The following ARRDC5 variants were observed in gnomAD, a reference collection of about 807,000 sequenced individuals.
ARRDC5 encodes arrestin domain-containing protein 5.
ARRDC5 carries 12 observed loss-of-function variants against 13.3 expected under a neutral mutation model. The ratio of observed to expected loss-of-function variants is 0.90; its 90% CI spans 0.58 to 1.46. The LOEUF (loss-of-function observed/expected upper bound fraction) is 1.46, where lower values mean the gene tolerates loss of function less well. ARRDC5 is among the 40% of genes most tolerant of loss of function. ARRDC5 has a pLI of 0.00. For missense variants in ARRDC5, 406 were observed against 418.7 expected (o/e 0.97, Z 0.26); for synonymous variants, 181 against 173.4 (o/e 1.04, Z -0.34).
chr19:4,898,665 C>CTTTTT (rs71170878), intron 1 of ARRDC5, among the ~76,000 whole-genome samples: 2 of 130,596 alleles, frequency 1.5e-5, no homozygotes, highest in Middle Eastern at 4.6e-3. Context: ...CGGGCTTGGC[C>CTTTTT]TTTTTTTTTT....
the ARRDC5 span, among the ~76,000 whole-genome samples, chr19:4,914,217 A>C: frequency 6.6e-6 from 1 of 152,082 alleles, no homozygotes; most frequent in South Asian, 2.1e-4. Context: ...ATGGCTGGGA[A>C]AGTGAGCTGG....
At chr19:4,900,193 G>T (rs74367599) in intron 1 of ARRDC5, among the ~76,000 whole-genome samples, 30,546 of 140,362 alleles carry the variant, frequency 0.22, 3,525 homozygotes, top group East Asian at 0.33. Context: ...TGTTGCCCAG[G>T]CTGGAGTGCA....
At chr19:4,916,319 A>AT in the ARRDC5 span, among the ~76,000 whole-genome samples, 3 of 151,562 alleles carry the variant, frequency 2.0e-5, no homozygotes, top group African/African-American at 7.3e-5. Context: ...AAAAAAAAAA[A>AT]CCAAATAAAT....
At chr19:4,902,526 C>T (rs1416026499) in intron 1 of ARRDC5, 47 bp downstream of exon 1, 5 of 1,585,056 alleles carry the variant, frequency 3.2e-6, no homozygotes, top group Non-Finnish European at 4.3e-6. Flanking sequence ...ATTTTCCAGA[C>T]CCAGGTTCCT....
the ARRDC5 span, chr19:4,909,799 A>C: frequency 6.8e-6 from 3 of 443,258 alleles, no homozygotes; most frequent in Non-Finnish European, 1.2e-5. Flanking sequence ...CCTTCCACCT[A>C]ACCCTCGGGA....
At chr19:4,913,360 C>T in the ARRDC5 span, among the ~76,000 whole-genome samples, 1 of 149,342 alleles carries the variant, frequency 6.7e-6, no homozygotes, top group Admixed American at 6.8e-5. Context: ...TTCAAGCGAT[C>T]CTCCTGCCTT....
At chr19:4,910,642 T>C in the ARRDC5 span, 2 of 402,132 alleles carry the variant, frequency 5.0e-6, no homozygotes, top group Non-Finnish European at 8.8e-6. Context: ...TTCCCTCTTT[T>C]CATTCTCCTT....
intron 1 of ARRDC5, among the ~76,000 whole-genome samples, chr19:4,899,375 A>G (rs914711138): frequency 6.6e-6 from 1 of 152,064 alleles, no homozygotes; most frequent in African/African-American, 2.4e-5. Context: ...CATGCCTGTA[A>G]TCCCAGCACT....
intron 2 of ARRDC5, among the ~76,000 whole-genome samples, chr19:4,894,510 C>CA (rs575777769): frequency 0.15 from 3,933 of 27,034 alleles, 348 homozygotes; most frequent in East Asian, 0.26. Context: ...GACTCCGTCT[C>CA]AAAAAAAAAA....
intron 2 of ARRDC5, among the ~76,000 whole-genome samples, chr19:4,895,615 G>A (rs780524568): frequency 5.9e-5 from 9 of 152,020 alleles, no homozygotes; most frequent in Non-Finnish European, 1.3e-4. Context: ...GATCCAGAAC[G>A]AGTCCTTCAC....
In ARRDC5 at chr19:4,896,688, T is replaced by G. The variant is rs1019552500; in HGVS notation, c.442A>C (p.Lys148Gln). ...ATCGGTACCTGGAATGGGGTTTCTT[T>G]GTGGAAGGTGGAAGTTCCTTGAACC... ...LLVQGTSTFH[K>Q]ETPFQNPLFV... The change falls in exon 2 of 3, where the codon AAA (lysine) becomes CAA (glutamine). Residue 148 changes from lysine (K) to glutamine (Q), a missense_variant. By Grantham distance (53) the Lys-to-Gln change is moderately conservative. Transcript: ENST00000650722. The G allele has an allele frequency of 5.6e-6, 9 of 1,612,878 alleles. No homozygotes were observed. Among genetic ancestry groups the G allele is most frequent in the Non-Finnish European group, 7.6e-6 (9 of 1,179,126 alleles).
intron 1 of ARRDC5, among the ~76,000 whole-genome samples, chr19:4,899,125 C>T (rs964712480): frequency 3.3e-5 from 5 of 149,962 alleles, no homozygotes; most frequent in Admixed American, 6.7e-5. Flanking sequence ...CTGGCAAACA[C>T]GGTGAAACCC....
At position 4,902,737 on chromosome 19, in the gene ARRDC5, G is replaced by A. The variant is rs376093484; in HGVS notation, c.89C>T (p.Thr30Ile). The change falls in exon 1 of 3, where the codon ACC (threonine) becomes ATC (isoleucine). Residue 30 changes from threonine to isoleucine, a missense_variant. Transcript: ENST00000650722. ...GSSIKGQVIL[T>I]LNSTLVDPIV... is the part of the protein sequence containing the mutation. ...GGGGTCCACCAGGGTGCTGTTCAGG[G>A]TTAAGATCACCTGCCCTTTTATGCT... 21 of 1,613,868 alleles carry A rather than the reference G, an allele frequency of 1.3e-5. No homozygotes were observed. Among genetic ancestry groups the A allele is most frequent in the East Asian group, 8.9e-5 (4 of 44,896 alleles).
chr19:4,893,193 A>G (rs1014239544), intron 2 of ARRDC5, among the ~76,000 whole-genome samples: 1 of 141,070 alleles, frequency 7.1e-6, no homozygotes, highest in South Asian at 2.1e-4. Flanking sequence ...TTATAATAAT[A>G]TAACATATTA....
chr19:4,905,407 C>A (rs1171414116), upstream of ARRDC5, among the ~76,000 whole-genome samples: 1 of 151,746 alleles, frequency 6.6e-6, no homozygotes, highest in Admixed American at 6.6e-5. Context: ...GTGTGAGCCA[C>A]CACACCCGGC....
intron 1 of ARRDC5, among the ~76,000 whole-genome samples, chr19:4,902,076 G>T (rs892010018): frequency 1.3e-5 from 2 of 152,092 alleles, no homozygotes; most frequent in African/African-American, 4.8e-5. Flanking sequence ...TTTTGGTAGA[G>T]ATGGGGTTTC....
At chr19:4,909,686 C>T in the ARRDC5 span, 21 of 511,600 alleles carry the variant, frequency 4.1e-5, 1 homozygote, top group Non-Finnish European at 3.4e-6. Flanking sequence ...GGGGTGCCAG[C>T]CCGGGCCGGG....
the ARRDC5 span, chr19:4,909,524 C>T: frequency 4.6e-5 from 30 of 658,210 alleles, no homozygotes; most frequent in Non-Finnish European, 4.7e-5. Context: ...GCGCGGCGGG[C>T]AGCGTTTGCC....
chr19:4,908,936 G>T, the ARRDC5 span, among the ~76,000 whole-genome samples: 1 of 152,106 alleles, frequency 6.6e-6, no homozygotes, highest in Non-Finnish European at 1.5e-5. Flanking sequence ...GGGCAGCCCT[G>T]CCCGCCTGGA....
Sources: gnomAD v4.1 joint callset for allele counts (sites outside exome capture counted in the v4.1 genomes callset) on GRCh38, gnomAD v4.1.1 for gene constraint, MANE v1.5 for transcripts, NCBI Gene and HGNC (gene_info 2026-07-23, HGNC 2026-07-21) for gene names.